Variants in ANO6 observed in about 807,000 individuals in gnomAD.
The protein encoded by ANO6 is anoctamin 6.
ANO6 carries 106 observed loss-of-function variants against 117.5 expected under a neutral mutation model. The observed-to-expected ratio is 0.90, with a 90% CI of 0.77 to 1.06. The LOEUF is 1.06. Ranked by LOEUF, ANO6 falls within the 50% of genes least tolerant of loss-of-function variation. The pLI is 0.00. For synonymous variants in ANO6, 367 were observed against 385.1 expected, an observed-to-expected ratio of 0.95 and a Z score of 0.55; for missense variants, 955 against 1,121.1, an observed-to-expected ratio of 0.85 and a Z score of 2.12.
chr12:45,366,926 T>G (rs1280947857), intron 8 of ANO6, among the ~76,000 whole-genome samples: 1 of 152,192 alleles, frequency 6.6e-6, no homozygotes, highest in East Asian at 1.9e-4. Context: ...TATCCCTGTG[T>G]GTATTTTGTA....
intron 1 of ANO6, among the ~76,000 whole-genome samples, chr12:45,296,198 G>A (rs1471029735): frequency 2.0e-5 from 3 of 152,192 alleles, no homozygotes; most frequent in African/African-American, 7.2e-5. Flanking sequence ...AGAATGGAAA[G>A]AAGAGTTTCA....
chr12:45,409,905 G>A (rs1475219268), intron 16 of ANO6, among the ~76,000 whole-genome samples: 2 of 152,032 alleles, frequency 1.3e-5, no homozygotes, highest in Admixed American at 6.6e-5. Flanking sequence ...ACAGGCATGC[G>A]CCACCACACC....
At chr12:45,219,819 A>C (rs1465065843) in intron 1 of ANO6, among the ~76,000 whole-genome samples, 1 of 152,188 alleles carries the variant, frequency 6.6e-6, no homozygotes, top group African/African-American at 2.4e-5. Context: ...GCATTTTTGC[A>C]ATAGGCCACT....
intron 4 of ANO6, chr12:45,347,362 G>C (rs551484772): frequency 1.4e-4 from 56 of 412,236 alleles, no homozygotes; most frequent in Admixed American, 1.2e-4. Context: ...AAGCTTTTTT[G>C]TTATACAAAA....
intron 2 of ANO6, among the ~76,000 whole-genome samples, chr12:45,316,162 A>G: frequency 6.6e-6 from 1 of 152,096 alleles, no homozygotes; most frequent in Non-Finnish European, 1.5e-5. Flanking sequence ...ATTTAATAAT[A>G]TTTGTCCATT....
intron 12 of ANO6, among the ~76,000 whole-genome samples, chr12:45,393,630 G>A (rs985814954): frequency 2.6e-5 from 4 of 152,200 alleles, no homozygotes; most frequent in Non-Finnish European, 4.4e-5. Flanking sequence ...AAGCCCATCA[G>A]ACTAACAGCA....
In ANO6 at chr12:45,431,082, A is replaced by T. The variant is rs990131506; in HGVS notation, c.*1771A>T. The T allele has an allele frequency of 1.0e-6, 1 of 985,306 alleles. No homozygotes were observed. Among genetic ancestry groups the T allele is most frequent in the African/African-American group, 1.7e-5 (1 of 57,234 alleles). The allele number at this position is 985,306 out of a possible 1,614,324, so 61.0% of individuals were successfully genotyped here. A position where few individuals can be genotyped will look rare whatever the true frequency, so the allele number is the denominator to read the frequency against. On this transcript the variant is annotated 3_prime_UTR_variant, in exon 20 of 20. Coordinates refer to ENST00000320560, the MANE Select transcript of ANO6 (RefSeq NM_001025356.3). Reference sequence around the variant, plus strand: ...ATTATGTAGGATCCATCAAAGCAGTATTGTAGGCTTTTGAATTGTCCCAGT... The same window carrying T: ...ATTATGTAGGATCCATCAAAGCAGTTTTGTAGGCTTTTGAATTGTCCCAGT...
intron 12 of ANO6, among the ~76,000 whole-genome samples, chr12:45,394,939 A>G (rs1455691338): frequency 6.6e-6 from 1 of 152,214 alleles, no homozygotes; most frequent in Non-Finnish European, 1.5e-5. Flanking sequence ...AAAGAACTAG[A>G]GAAGCAAGAG....
intron 7 of ANO6, among the ~76,000 whole-genome samples, chr12:45,353,206 A>T (rs541048734): frequency 6.6e-6 from 1 of 152,124 alleles, no homozygotes; most frequent in Admixed American, 6.5e-5. Flanking sequence ...TCATTATTTC[A>T]TAAGAGATTT....
intron 3 of ANO6, among the ~76,000 whole-genome samples, chr12:45,336,005 G>T (rs1940813564): frequency 6.6e-6 from 1 of 151,846 alleles, no homozygotes; most frequent in Non-Finnish European, 1.5e-5. Context: ...GAGTGCAATG[G>T]CTATGACCTC....
chr12:45,325,747 A>T (rs1185657761), intron 2 of ANO6, among the ~76,000 whole-genome samples: 1 of 152,122 alleles, frequency 6.6e-6, no homozygotes, highest in Non-Finnish European at 1.5e-5. Context: ...TGAGATTTTT[A>T]AAATGATCAA....
At chr12:45,349,535 C>G (rs892403160) in intron 6 of ANO6, among the ~76,000 whole-genome samples, 1 of 152,174 alleles carries the variant, frequency 6.6e-6, no homozygotes, top group African/African-American at 2.4e-5. Context: ...TGCATTATTA[C>G]TTTGTTATAT....
intron 10 of ANO6, among the ~76,000 whole-genome samples, chr12:45,385,282 A>G (rs1219999475): frequency 6.6e-6 from 1 of 152,126 alleles, no homozygotes; most frequent in African/African-American, 2.4e-5. Context: ...AAGGGAATAA[A>G]ATGGGCCCTT....
At chr12:45,325,955 G>T (rs1940446697) in intron 2 of ANO6, among the ~76,000 whole-genome samples, 1 of 152,054 alleles carries the variant, frequency 6.6e-6, no homozygotes, top group African/African-American at 2.4e-5. Flanking sequence ...TCATTTCAAA[G>T]TTCTGTTTTC....
At chr12:45,332,610 T>A (rs1274737698) in intron 3 of ANO6, among the ~76,000 whole-genome samples, 1 of 152,054 alleles carries the variant, frequency 6.6e-6, no homozygotes, top group African/African-American at 2.4e-5. Flanking sequence ...AGCTCCCAGA[T>A]GACAGGGACT....
chr12:45,325,873 TAAG>T (rs1940443089), intron 2 of ANO6, among the ~76,000 whole-genome samples: 2 of 152,178 alleles, frequency 1.3e-5, no homozygotes, highest in African/African-American at 4.8e-5. Context: ...CTCTACCCCA[TAAG>T]AAGGCTCCTA....
intron 1 of ANO6, among the ~76,000 whole-genome samples, chr12:45,267,009 G>A (rs1938240927): frequency 6.6e-6 from 1 of 152,164 alleles, no homozygotes; most frequent in Non-Finnish European, 1.5e-5. Context: ...GGTGGACATA[G>A]TGGGCTTTTC....
intron 10 of ANO6, among the ~76,000 whole-genome samples, chr12:45,383,940 T>C (rs984716386): frequency 3.3e-5 from 5 of 152,196 alleles, no homozygotes; most frequent in African/African-American, 9.7e-5. Context: ...GGCGTTGACT[T>C]CTCTCTAGCT....
intron 7 of ANO6, among the ~76,000 whole-genome samples, chr12:45,354,388 G>A (rs893388242): frequency 6.6e-6 from 1 of 152,182 alleles, no homozygotes; most frequent in Admixed American, 6.5e-5. Context: ...AAACTGTTAA[G>A]TATGAGGAAT....
Sources: gnomAD v4.1 joint callset for allele counts (sites outside exome capture counted in the v4.1 genomes callset) on GRCh38, gnomAD v4.1.1 for gene constraint, MANE v1.5 for transcripts, NCBI Gene and HGNC (gene_info 2026-07-23, HGNC 2026-07-21) for gene names.